Variants in PCNT observed in about 807,000 individuals in gnomAD.
The protein encoded by PCNT is kendrin.
In PCNT, 319 loss-of-function variants were observed where a neutral mutation model predicts 380.4. The observed-to-expected ratio is 0.84, with a 90% CI of 0.77 to 0.92. PCNT has a LOEUF of 0.92. PCNT is among the 40% of genes least tolerant of loss of function. The pLI is 0.00. For synonymous variants in PCNT, 1,845 were observed against 1,735.2 expected (o/e 1.06, Z -1.57); for missense variants, 4,400 against 4,255.3 (o/e 1.03, Z -0.95).
chr21:46,358,795 T>A (rs1217414304), intron 13 of PCNT, among the ~76,000 whole-genome samples: 1 of 148,158 alleles, frequency 6.7e-6, no homozygotes, highest in African/African-American at 2.5e-5. Flanking sequence ...TGGCTAATTT[T>A]TTTTATTTTT....
intron 31 of PCNT, among the ~76,000 whole-genome samples, chr21:46,419,875 G>T (rs956720920): frequency 6.6e-6 from 1 of 152,194 alleles, no homozygotes; most frequent in Non-Finnish European, 1.5e-5. Flanking sequence ...CAAAGTGCTG[G>T]GATTACAGGC....
rs139503247 is a variant in PCNT, at chr21:46,440,939, A to T, written c.9478A>T (p.Ile3160Phe). 13 of 1,613,298 alleles carry T rather than the reference A, an allele frequency of 8.1e-6. No homozygotes were observed. Among genetic ancestry groups the T allele is most frequent in the Non-Finnish European group, 1.1e-5 (13 of 1,179,210 alleles). ...IYQKKYLLLL[I>F]GGFQDSEQET... Reference sequence around the variant, plus strand: ...TCAAAAGAAGTATCTTTTGCTGTTGATTGGTGGATTCCAGGATTCTGAACA... The same window carrying T: ...TCAAAAGAAGTATCTTTTGCTGTTGTTTGGTGGATTCCAGGATTCTGAACA... Residue 3160 changes from isoleucine to phenylalanine, a missense_variant, in exon 43 of 47, where the codon ATT (isoleucine) becomes TTT (phenylalanine). By Grantham distance (21) the Ile-to-Phe change is conservative (BLOSUM62 0). Coordinates refer to ENST00000359568, the MANE Select transcript of PCNT (RefSeq NM_006031.6).
rs546079727 is a variant in PCNT, at chr21:46,356,086, C to T, written c.1936+460C>T. On this transcript the variant is annotated intron_variant, in intron 12 of 46. Transcript: ENST00000359568. ...ACAGGGCTGTGGGGTCAGAAGGTGA[C>T]GGAGAGGAAACTGCAGTCATCCCAG... Among the ~76,000 whole-genome samples the T allele has an allele frequency of 2.6e-5, 4 of 152,318 alleles. No homozygotes were observed. In the South Asian group the frequency reaches 8.3e-4, roughly 32 times the overall value.
In PCNT at chr21:46,397,326, G is replaced by T. The variant is rs2086242660; in HGVS notation, c.4278G>T (p.Glu1426Asp). The part of the protein sequence containing the change: ...KEQSETRKQA[E>D]KDRSALLSQM... ...AGTCGGAGACCAGGAAGCAGGCTGAGAAGGACCGCTCAGCCCTGCTCTCCC... is the reference window on the plus strand; with the variant it reads ...AGTCGGAGACCAGGAAGCAGGCTGATAAGGACCGCTCAGCCCTGCTCTCCC... The change falls in exon 22 of 47, where the codon GAG becomes GAT. Residue 1426 changes from glutamate to aspartate, a missense_variant. Transcript: ENST00000359568. 6.2e-7 allele frequency: 1 copy of T among 1,614,026 alleles called. No individual in the cohort carries two copies. Among genetic ancestry groups the T allele is most frequent in the Non-Finnish European group, 8.5e-7 (1 of 1,180,030 alleles).
chr21:46,353,973 T>C lies in PCNT; in HGVS notation c.1680-14T>C. 6.2e-7 allele frequency: 1 copy of C among 1,609,958 alleles called. No homozygotes were observed. The highest frequency in any genetic ancestry group is 8.5e-7 in the Non-Finnish European group (1 of 1,176,328). On this transcript the variant is annotated splice_polypyrimidine_tract_variant and intron_variant, in intron 10 of 46. Transcript: ENST00000359568. ...GTACGTGTGTAAAGCTTTTATAAAATGTTTTCCCTTCAGGTTGTCCTGTGT... is the reference window on the plus strand; with the variant it reads ...GTACGTGTGTAAAGCTTTTATAAAACGTTTTCCCTTCAGGTTGTCCTGTGT...
intron 45 of PCNT, among the ~76,000 whole-genome samples, chr21:46,444,366 T>C (rs144266999): frequency 6.6e-6 from 1 of 152,086 alleles, no homozygotes; most frequent in Non-Finnish European, 1.5e-5. Flanking sequence ...GGGGCAGGTA[T>C]CACCCTGACA....
chr21:46,374,480 T>C (rs966930342), intron 15 of PCNT, among the ~76,000 whole-genome samples: 2 of 152,122 alleles, frequency 1.3e-5, no homozygotes, highest in African/African-American at 2.4e-5. Context: ...GGCCTGTGAT[T>C]GGTGAGAATG....
chr21:46,430,371 G>A, intron 36 of PCNT, 136 bp from the exon 37 acceptor site: 1 of 1,412,592 alleles, frequency 7.1e-7, no homozygotes, highest in South Asian at 1.2e-5. Context: ...CTGTCCCTGG[G>A]TTGATAATCC....
chr21:46,350,050 G>A (rs1290767528), intron 8 of PCNT, among the ~76,000 whole-genome samples: 1 of 152,128 alleles, frequency 6.6e-6, no homozygotes, highest in African/African-American at 2.4e-5. Flanking sequence ...ATGGTGGTGG[G>A]CATCTGTAAT....
At chr21:46,387,616 C>T (rs564431394) in intron 17 of PCNT, among the ~76,000 whole-genome samples, 255 of 152,226 alleles carry the variant, frequency 1.7e-3, no homozygotes, top group Middle Eastern at 3.4e-3. Flanking sequence ...GGCATTCTCT[C>T]CGTCAAGCCC....
intron 5 of PCNT, 35 bp downstream of exon 5, chr21:46,347,033 G>C: frequency 6.3e-7 from 1 of 1,577,350 alleles, no homozygotes; most frequent in Non-Finnish European, 8.6e-7. Flanking sequence ...GGCAGCGTGT[G>C]GGCTCGGTGT....
rs777354031 is a variant in PCNT, at chr21:46,399,674, G to A, written c.4669G>A (p.Val1557Met). Residue 1557 changes from valine (V) to methionine (M), a missense_variant, in exon 25 of 47, where the codon GTG (valine) becomes ATG (methionine). Val to Met is a conservative substitution (Grantham distance 21). Coordinates refer to ENST00000359568, the MANE Select transcript of PCNT (RefSeq NM_006031.6). Reference sequence around the variant, plus strand: ...ACAGAAAGAGTCGGCAGATAGACAAGTGTTAATGCAGGAAGAAGAAATTAA... The same window carrying A: ...ACAGAAAGAGTCGGCAGATAGACAAATGTTAATGCAGGAAGAAGAAATTAA... ...AIQKESADRQ[V>M]LMQEEEIKRL... is the part of the protein sequence containing the mutation. 8.7e-6 allele frequency: 14 copies of A among 1,613,536 alleles called. No homozygotes were observed. The East Asian group carries it at 2.5e-4, about 28-fold the overall frequency.
chr21:46,369,674 C>T (rs919449058), intron 15 of PCNT, among the ~76,000 whole-genome samples: 4 of 152,238 alleles, frequency 2.6e-5, no homozygotes, highest in Non-Finnish European at 4.4e-5. Context: ...TTTCAAACCA[C>T]GGCCTGATTT....
chr21:46,416,582 T>C lies in PCNT; in HGVS notation c.6664T>C (p.Ser2222Pro), dbSNP rs1602029748. ...RKSPVGMLDLSSWSSPEVLRK... is the reference protein window; with the variant it reads ...RKSPVGMLDLPSWSSPEVLRK... ...GAGCCCGGTCGGGATGCTGGACCTG[T>C]CTTCCTGGAGCTCCCCTGAGGTCCT... is the stretch of plus-strand genomic sequence containing the variant. The change falls in exon 30 of 47, where the codon TCT (serine) becomes CCT (proline). Residue 2222 changes from serine to proline, a missense_variant. Coordinates refer to ENST00000359568, the MANE Select transcript of PCNT (RefSeq NM_006031.6). 2 of 1,609,172 alleles carry C rather than the reference T, an allele frequency of 1.2e-6. No homozygotes were observed. Among genetic ancestry groups the C allele is most frequent in the Non-Finnish European group, 1.7e-6 (2 of 1,177,632 alleles).
intron 32 of PCNT, among the ~76,000 whole-genome samples, chr21:46,423,680 A>T: frequency 7.5e-6 from 1 of 133,686 alleles, no homozygotes. Context: ...CCCTTGAGGC[A>T]GCAGCTGCGA....
Position 46,363,808 on chromosome 21 carries a change from T to C in PCNT, c.2483T>C (p.Leu828Pro), listed in dbSNP as rs1453644974. Residue 828 changes from leucine (L) to proline (P), a missense_variant, in exon 14 of 47, where the codon CTC becomes CCC. Physicochemically the swap from Leu to Pro is moderately conservative, Grantham distance 98. Coordinates refer to ENST00000359568, the MANE Select transcript of PCNT (RefSeq NM_006031.6). ...QGRLQQLEQD[L>P]TSDDALHCSQ... Reference sequence around the variant, plus strand: ...CGCCTGCAGCAGCTGGAACAGGACCTCACTTCAGACGACGCCCTGCATTGC... The same window carrying C: ...CGCCTGCAGCAGCTGGAACAGGACCCCACTTCAGACGACGCCCTGCATTGC... 1 of 1,613,154 alleles carries C rather than the reference T, an allele frequency of 6.2e-7. No homozygotes were observed.
At chr21:46,356,129 G>C (rs983595834) in intron 12 of PCNT, among the ~76,000 whole-genome samples, 2 of 152,216 alleles carry the variant, frequency 1.3e-5, no homozygotes, top group African/African-American at 4.8e-5. Context: ...GTCCCATGGC[G>C]CCGGACAGTG....
chr21:46,339,876 A>G (rs947354789), intron 3 of PCNT, among the ~76,000 whole-genome samples: 23 of 152,052 alleles, frequency 1.5e-4, no homozygotes, highest in African/African-American at 5.6e-4. Flanking sequence ...GTTTTCTTCA[A>G]TGTGTGGATG....
At chr21:46,330,001 T>C (rs1168399241) in intron 2 of PCNT, among the ~76,000 whole-genome samples, 1 of 152,214 alleles carries the variant, frequency 6.6e-6, no homozygotes, top group African/African-American at 2.4e-5. Flanking sequence ...CCATTGGCTC[T>C]AAAATGGTGG....
Sources: allele counts gnomAD v4.1 joint callset (sites outside exome capture counted in the v4.1 genomes callset), GRCh38; gene constraint gnomAD v4.1.1; transcripts MANE v1.5; gene names NCBI Gene and HGNC (gene_info 2026-07-23, HGNC 2026-07-21).